TMEM43: variants seen among roughly 807,000 people sequenced by gnomAD.
TMEM43 encodes arrhythmogenic right ventricular dysplasia 5.
In TMEM43, 45 loss-of-function variants were observed where a neutral mutation model predicts 49.6. The ratio of observed to expected loss-of-function variants is 0.91; its 90% confidence interval spans 0.71 to 1.16. The LOEUF (loss-of-function observed/expected upper bound fraction) is 1.16. TMEM43 is among the 50% of genes most tolerant of loss of function. TMEM43 has a pLI of 0.00. For missense variants in TMEM43, 532 were observed against 516.6 expected (o/e 1.03, Z -0.29); for synonymous variants, 199 against 207.8 (o/e 0.96, Z 0.36).
rs1695065337 is a variant in TMEM43, at chr3:14,129,530, T to C, written c.131T>C (p.Leu44Pro). The change falls in exon 2 of 12, where the codon CTG (leucine) becomes CCG (proline). Residue 44 changes from leucine (L) to proline (P), a missense_variant. Physicochemically the swap from Leu to Pro is moderately conservative, Grantham distance 98 (BLOSUM62 -3). Transcript: ENST00000306077. ...ATGTTTGTGGGGCTCATGGCCTTCC[T>C]GCTCTCCTTCTACCTAATTTTCACC... ...GGMFVGLMAF[L>P]LSFYLIFTNE... The C allele has an allele frequency of 1.2e-6, 2 of 1,614,014 alleles. No homozygotes were observed. Among genetic ancestry groups the C allele is most frequent in the African/African-American group, 1.3e-5 (1 of 74,914 alleles).
chr3:14,134,741 T>A lies in TMEM43; in HGVS notation c.584-29T>A, dbSNP rs768642990. ...AGATTGAGGTTTTCACCTGGTCCCC[T>A]GGGTTTCTAACCACTCTGGTCCCCT... On this transcript the variant is annotated intron_variant, in intron 7 of 11. Coordinates refer to ENST00000306077, the MANE Select transcript of TMEM43 (RefSeq NM_024334.3). 3 of 1,613,774 alleles carry A rather than the reference T, an allele frequency of 1.9e-6. No homozygotes were observed. The Admixed American group carries it at 5.0e-5, about 27-fold the overall frequency.
At position 14,141,899 on chromosome 3, in the gene TMEM43, G is replaced by A. The variant is rs1339422757; in HGVS notation, c.*104G>A. The A allele has an allele frequency of 5.6e-6, 7 of 1,248,796 alleles. No homozygotes were observed. The highest frequency in any genetic ancestry group is 7.8e-6 in the Non-Finnish European group (7 of 899,442). The allele number at this position is 1,248,796 out of a possible 1,614,324, so 77.4% of individuals were successfully genotyped here. On this transcript the variant is annotated 3_prime_UTR_variant, in exon 12 of 12. Transcript: ENST00000306077. ...CAGAGCAGGAGCCCCGGTCAATTTT[G>A]GACTCTGCACTCCCTCTCCTCTTCA...
intron 10 of TMEM43, among the ~76,000 whole-genome samples, chr3:14,138,758 C>T (rs888951334): frequency 6.6e-6 from 1 of 152,208 alleles, no homozygotes; most frequent in African/African-American, 2.4e-5. Context: ...GGGGCAGCGA[C>T]AGCGATGGAG....
In TMEM43 at chr3:14,132,211, T is replaced by G. The variant is rs183322650; in HGVS notation, c.393-335T>G. Among the ~76,000 whole-genome samples, 141 of 152,186 alleles carry G rather than the reference T, an allele frequency of 9.3e-4. 5 individuals are homozygous for G. In the East Asian group the frequency reaches 0.026, roughly 28 times the overall value. The stretch of plus-strand genomic sequence containing the variant: ...TGGGAGGAGCAGGAGAAGGGCAGCT[T>G]CAAGAGGCCCCCCGCAGGGCTGTCC... On this transcript the variant is annotated intron_variant, in intron 4 of 11. Transcript: ENST00000306077.
Position 14,141,868 on chromosome 3 carries a change from C to T in TMEM43, c.*73C>T. 6.8e-7 allele frequency: 1 copy of T among 1,477,508 alleles called. No homozygotes were observed. The highest frequency in any genetic ancestry group is 1.4e-5 in the African/African-American group (1 of 71,838). The allele number at this position is 1,477,508 out of a possible 1,614,324, so 91.5% of individuals were successfully genotyped here. A position where few individuals can be genotyped will look rare whatever the true frequency, so the allele number is the denominator to read the frequency against. Reference sequence around the variant, plus strand: ...GTCCTCTCTCACCTCTGACCCAGCTCCATGCCAGAGCAGGAGCCCCGGTCA... The same window carrying T: ...GTCCTCTCTCACCTCTGACCCAGCTTCATGCCAGAGCAGGAGCCCCGGTCA... On this transcript the variant is annotated 3_prime_UTR_variant, in exon 12 of 12. Transcript: ENST00000306077.
At chr3:14,137,886 C>G (rs936433461) in intron 10 of TMEM43, 1 of 152,188 alleles carries the variant, frequency 6.6e-6, no homozygotes, top group South Asian at 2.1e-4. Flanking sequence ...GGAAATGTAG[C>G]GTTTAGTTAA....
chr3:14,134,634 CAGAA>C, intron 7 of TMEM43, 132 bp from the exon 8 acceptor site: 3 of 1,185,636 alleles, frequency 2.5e-6, no homozygotes, highest in African/African-American at 1.5e-5. Flanking sequence ...GAGACAGAGT[CAGAA>C]AGAGGCACTG....
At chr3:14,125,469 G>A (rs528730915) in intron 1 of TMEM43, among the ~76,000 whole-genome samples, 2 of 151,986 alleles carry the variant, frequency 1.3e-5, no homozygotes, top group Non-Finnish European at 2.9e-5. Flanking sequence ...TGTTGCTCCC[G>A]TACTGGGATC....
At chr3:14,126,635 C>T (rs1321627319) in intron 1 of TMEM43, among the ~76,000 whole-genome samples, 1 of 152,174 alleles carries the variant, frequency 6.6e-6, no homozygotes, top group Non-Finnish European at 1.5e-5. Flanking sequence ...GTACTTAATA[C>T]TTGAAAACAA....
chr3:14,133,265 C>T (rs1315523714), intron 6 of TMEM43, among the ~76,000 whole-genome samples: 1 of 152,158 alleles, frequency 6.6e-6, no homozygotes, highest in Non-Finnish European at 1.5e-5. Flanking sequence ...CCAGAGGCAG[C>T]GGCATTTGTT....
At chr3:14,140,250 C>T (rs1202584159) in intron 11 of TMEM43, among the ~76,000 whole-genome samples, 1 of 152,174 alleles carries the variant, frequency 6.6e-6, no homozygotes, top group Admixed American at 6.5e-5. Flanking sequence ...GAGAGATGAG[C>T]ATTTAAACGG....
chr3:14,126,955 A>G (rs1695028956), intron 1 of TMEM43, among the ~76,000 whole-genome samples: 2 of 152,112 alleles, frequency 1.3e-5, no homozygotes, highest in Non-Finnish European at 2.9e-5. Context: ...AGGTAGAGCA[A>G]TTTACCCAGG....
At chr3:14,132,974 A>G (rs1029708362) in intron 6 of TMEM43, 39 bp downstream of exon 6, 3 of 1,499,672 alleles carry the variant, frequency 2.0e-6, no homozygotes, top group Non-Finnish European at 9.3e-7. Flanking sequence ...AGCTTTGTCT[A>G]CACTGGCAGG....
chr3:14,139,651 G>A (rs1341072940), intron 11 of TMEM43, among the ~76,000 whole-genome samples: 4 of 152,182 alleles, frequency 2.6e-5, no homozygotes, highest in African/African-American at 7.2e-5. Context: ...AATCTGTCAC[G>A]TCCAAGCTCT....
At chr3:14,136,143 G>A (rs1695167034) in intron 10 of TMEM43, 1 of 621,006 alleles carries the variant, frequency 1.6e-6, no homozygotes, top group African/African-American at 1.8e-5. Flanking sequence ...TCTTGGGGAT[G>A]AGAACCAAGT....
chr3:14,132,627 C>T (rs370566174), intron 5 of TMEM43, 32 bp downstream of exon 5: 2 of 1,612,542 alleles, frequency 1.2e-6, no homozygotes, highest in African/African-American at 2.7e-5. Context: ...TGGTCTCTGC[C>T]CATGGTGGGG....
rs112210924 is a variant in TMEM43, at chr3:14,128,202, C to G, written c.13-1210C>G. ...AGTTCTTCTGGCTCCAGAATCCTGC[C>G]CTAGACGATGACACTTTTGATCAGC... On this transcript the variant is annotated intron_variant, in intron 1 of 11. Transcript: ENST00000306077. 1.5e-3 allele frequency among the ~76,000 whole-genome samples: 227 copies of G among 152,232 alleles called. 1 individual carries two copies. Among genetic ancestry groups the G allele is most frequent in the Non-Finnish European group, 2.7e-3 (187 of 68,006 alleles).
At chr3:14,129,591 G>A (rs764099626) in intron 2 of TMEM43, 30 bp downstream of exon 2, 20 of 1,613,248 alleles carry the variant, frequency 1.2e-5, no homozygotes, top group Admixed American at 5.0e-5. Flanking sequence ...CCTGTGCAGA[G>A]TGAGAGTCCC....
chr3:14,133,636 C>G lies in TMEM43; in HGVS notation c.513-103C>G, dbSNP rs1225398657. ...CTGCGCCTGGGCTAATCTGGACTTG[C>G]AGGAACCCCCGGGTGGGGACCCTGC... On this transcript the variant is annotated intron_variant, in intron 6 of 11. Transcript: ENST00000306077. 21 of 1,074,592 alleles carry G rather than the reference C, an allele frequency of 2.0e-5. No individual in the cohort carries two copies. In the Admixed American group the frequency reaches 3.2e-4, roughly 16 times the overall value. The allele number at this position is 1,074,592 out of a possible 1,614,324, so 66.6% of individuals were successfully genotyped here. A position where few individuals can be genotyped will look rare whatever the true frequency, so the allele number is the denominator to read the frequency against.
Sources: allele counts gnomAD v4.1 joint callset (sites outside exome capture counted in the v4.1 genomes callset), GRCh38; gene constraint gnomAD v4.1.1; transcripts MANE v1.5; gene names NCBI Gene and HGNC (gene_info 2026-07-23, HGNC 2026-07-21).